CSMD2: variants seen among roughly 807,000 people sequenced by gnomAD.
CSMD2 encodes the protein CUB and Sushi multiple domains 2.
Under a neutral mutation model 398.5 loss-of-function variants are expected in CSMD2, and 130 were observed. That is an observed-to-expected ratio of 0.33 (90% CI 0.28 to 0.38). CSMD2 has a LOEUF of 0.38. Ranked by LOEUF, CSMD2 falls within the 10% of genes least tolerant of loss-of-function variation. The probability of loss-of-function intolerance (pLI) is 1.00; values close to 1 mark genes in which losing one functional copy is unlikely to be tolerated. For synonymous variants in CSMD2, 1,828 were observed against 1,908.5 expected (o/e 0.96, Z 1.10); for missense variants, 3,829 against 4,764.9 (o/e 0.80, Z 5.78).
At chr1:34,151,866 G>T (rs1025404209) in intron 1 of CSMD2, among the ~76,000 whole-genome samples, 1 of 140,802 alleles carries the variant, frequency 7.1e-6, no homozygotes, top group African/African-American at 2.7e-5. Flanking sequence ...GAGAAACAGG[G>T]TCTTCTAATT....
intron 2 of CSMD2, among the ~76,000 whole-genome samples, chr1:34,039,066 A>G (rs1651520273): frequency 6.6e-6 from 1 of 152,142 alleles, no homozygotes; most frequent in South Asian, 2.1e-4. Flanking sequence ...CGTTACTTCT[A>G]GAAAGGTGCA....
chr1:33,778,294 C>T (rs932192309), intron 12 of CSMD2, among the ~76,000 whole-genome samples: 10 of 152,118 alleles, frequency 6.6e-5, no homozygotes, highest in Non-Finnish European at 1.0e-4. Flanking sequence ...CTCCTGGGCT[C>T]GAGCAATCCT....
chr1:33,645,804 T>C (rs1277178925), intron 29 of CSMD2, among the ~76,000 whole-genome samples: 2 of 152,214 alleles, frequency 1.3e-5, no homozygotes, highest in Non-Finnish European at 2.9e-5. Context: ...CAATGCTTTA[T>C]CCAAGGTCAC....
intron 5 of CSMD2, among the ~76,000 whole-genome samples, chr1:33,913,277 C>T (rs1643555773): frequency 6.6e-6 from 1 of 152,168 alleles, no homozygotes; most frequent in African/African-American, 2.4e-5. Flanking sequence ...CAGTCTCACC[C>T]AGAGACTCTC....
intron 55 of CSMD2, among the ~76,000 whole-genome samples, chr1:33,556,895 A>G (rs1212070101): frequency 6.6e-6 from 1 of 152,092 alleles, no homozygotes; most frequent in Non-Finnish European, 1.5e-5. Flanking sequence ...TTCCACCATG[A>G]TTGTAAGTTT....
At chr1:33,879,015 G>A (rs955145009) in intron 5 of CSMD2, among the ~76,000 whole-genome samples, 3 of 152,172 alleles carry the variant, frequency 2.0e-5, no homozygotes, top group Non-Finnish European at 2.9e-5. Flanking sequence ...AACTCCCACT[G>A]TCCCTAAGCC....
At chr1:33,925,207 A>C (rs1024600348) in intron 4 of CSMD2, among the ~76,000 whole-genome samples, 1 of 152,114 alleles carries the variant, frequency 6.6e-6, no homozygotes, top group Non-Finnish European at 1.5e-5. Flanking sequence ...TCTCTAATTC[A>C]TTTTAAGTTG....
At chr1:33,959,812 A>G (rs2125392594) in intron 3 of CSMD2, among the ~76,000 whole-genome samples, 1 of 152,076 alleles carries the variant, frequency 6.6e-6, no homozygotes. Context: ...TCTTTCCCTG[A>G]CCCTGCTTTT....
intron 4 of CSMD2, among the ~76,000 whole-genome samples, chr1:33,919,086 C>T (rs1285593482): frequency 6.6e-6 from 1 of 152,172 alleles, no homozygotes; most frequent in Non-Finnish European, 1.5e-5. Context: ...CTCTTGGTAT[C>T]ACCAAAACCA....
At chr1:34,031,606 C>A (rs1650427607) in intron 3 of CSMD2, among the ~76,000 whole-genome samples, 1 of 151,988 alleles carries the variant, frequency 6.6e-6, no homozygotes, top group Non-Finnish European at 1.5e-5. Flanking sequence ...CCCTATACCC[C>A]CTGCCACCAG....
chr1:33,880,096 A>G (rs1297986071), intron 5 of CSMD2, among the ~76,000 whole-genome samples: 1 of 152,192 alleles, frequency 6.6e-6, no homozygotes. Flanking sequence ...ATGAGCAAAC[A>G]CTGATTGTGA....
chr1:34,018,703 T>G (rs1343902098), intron 3 of CSMD2, among the ~76,000 whole-genome samples: 3 of 152,278 alleles, frequency 2.0e-5, no homozygotes, highest in African/African-American at 7.2e-5. Flanking sequence ...GTGAACTCCT[T>G]GATACCTTTC....
intron 3 of CSMD2, among the ~76,000 whole-genome samples, chr1:33,956,498 TTG>T (rs906853644): frequency 2.6e-5 from 4 of 152,210 alleles, no homozygotes; most frequent in African/African-American, 9.6e-5. Flanking sequence ...TGTCAGGCCA[TTG>T]TGTGTCTGCT....
At chr1:33,971,793 A>G (rs1027764234) in intron 3 of CSMD2, among the ~76,000 whole-genome samples, 7 of 152,212 alleles carry the variant, frequency 4.6e-5, no homozygotes, top group African/African-American at 1.7e-4. Context: ...TCACCCTCCC[A>G]GCTTGGTTCC....
At chr1:33,949,858 C>T (rs1644949435) in intron 3 of CSMD2, among the ~76,000 whole-genome samples, 1 of 152,190 alleles carries the variant, frequency 6.6e-6, no homozygotes. Context: ...TGACTCCAGA[C>T]CCCAAGTCTT....
chr1:33,643,762 T>C (rs1459824365), intron 29 of CSMD2, among the ~76,000 whole-genome samples: 1 of 152,158 alleles, frequency 6.6e-6, no homozygotes, highest in Non-Finnish European at 1.5e-5. Flanking sequence ...CCAGGGATCC[T>C]GGCATAGGCA....
chr1:33,877,814 G>T (rs1316470269), intron 5 of CSMD2, among the ~76,000 whole-genome samples: 1 of 151,996 alleles, frequency 6.6e-6, no homozygotes, highest in African/African-American at 2.4e-5. Flanking sequence ...ATATGCCCAG[G>T]GTTGCTGCCA....
At chr1:34,148,337 C>T (rs1477838955) in intron 1 of CSMD2, among the ~76,000 whole-genome samples, 3 of 152,190 alleles carry the variant, frequency 2.0e-5, no homozygotes, top group East Asian at 1.9e-4. Context: ...AAACCTCCAC[C>T]GGCCCCTTGC....
In CSMD2 at chr1:33,940,757, C is replaced by T. The variant is rs1644642775; in HGVS notation, c.518-4803G>A. Among the ~76,000 whole-genome samples the T allele has an allele frequency of 2.0e-5, 3 of 152,206 alleles. No individual in the cohort carries two copies. The South Asian group carries it at 6.2e-4, about 32-fold the overall frequency. On this transcript the variant is annotated intron_variant, in intron 3 of 70. Transcript: ENST00000373381. ...TAAACAAGAGTTCCCTTACTCCTTT[C>T]ATCATTCTAGGCACTGCAATAAGAT...
Sources: gnomAD v4.1 joint callset for allele counts (sites outside exome capture counted in the v4.1 genomes callset) on GRCh38, gnomAD v4.1.1 for gene constraint, MANE v1.5 for transcripts, NCBI Gene and HGNC (gene_info 2026-07-23, HGNC 2026-07-21) for gene names.